Variants in NEO1 observed in about 807,000 individuals in gnomAD.
NEO1 encodes neogenin 1.
In NEO1, 63 loss-of-function variants were observed where a neutral mutation model predicts 159.7. That is an observed-to-expected ratio of 0.39 (90% CI 0.32 to 0.49). The LOEUF is 0.49. NEO1 is among the 20% of genes least tolerant of loss of function. The pLI is 0.85. For missense variants in NEO1, 1,615 were observed against 1,831.0 expected, an observed-to-expected ratio of 0.88 and a Z score of 2.15; for synonymous variants, 633 against 662.0, an observed-to-expected ratio of 0.96 and a Z score of 0.67.
At chr15:73,247,828 C>CA (rs938533574) in intron 9 of NEO1, among the ~76,000 whole-genome samples, 12 of 152,206 alleles carry the variant, frequency 7.9e-5, no homozygotes, top group African/African-American at 2.6e-4. Context: ...GTCAGTCAGA[C>CA]AAAAATAATA....
intron 8 of NEO1, among the ~76,000 whole-genome samples, chr15:73,240,651 A>G (rs773608189): frequency 2.0e-5 from 3 of 152,210 alleles, no homozygotes; most frequent in Non-Finnish European, 4.4e-5. Context: ...TAAAGGAGAG[A>G]AAAAATAGAG....
intron 5 of NEO1, among the ~76,000 whole-genome samples, chr15:73,152,679 TG>T (rs974714910): frequency 1.3e-5 from 2 of 151,192 alleles, no homozygotes; most frequent in African/African-American, 4.9e-5. Flanking sequence ...CGGTTGGGGG[TG>T]GGAGGAATTC....
intron 5 of NEO1, among the ~76,000 whole-genome samples, chr15:73,149,128 A>G (rs1001056256): frequency 6.6e-6 from 1 of 152,134 alleles, no homozygotes; most frequent in Non-Finnish European, 1.5e-5. Context: ...CATCCTGGCC[A>G]ACATGGTGCA....
intron 3 of NEO1, among the ~76,000 whole-genome samples, chr15:73,125,376 G>T (rs772488839): frequency 1.3e-5 from 2 of 152,162 alleles, no homozygotes; most frequent in Non-Finnish European, 2.9e-5. Context: ...CCATTAGTTG[G>T]CTGACTTTTA....
chr15:73,210,957 A>G (rs1631796), intron 7 of NEO1, among the ~76,000 whole-genome samples: 131,243 of 152,232 alleles, frequency 0.86, 57,565 homozygotes, highest in Non-Finnish European at 0.94. Flanking sequence ...TATTGAATGT[A>G]TAGTAATATT....
At chr15:73,133,314 C>T (rs540965776) in intron 4 of NEO1, among the ~76,000 whole-genome samples, 10 of 152,200 alleles carry the variant, frequency 6.6e-5, no homozygotes, top group South Asian at 4.2e-4. Flanking sequence ...AACCAAACAT[C>T]CTATGTTCTC....
chr15:73,182,910 A>G (rs963088812), intron 7 of NEO1, among the ~76,000 whole-genome samples: 3 of 152,176 alleles, frequency 2.0e-5, no homozygotes, highest in Admixed American at 6.5e-5. Context: ...GGCATAGATC[A>G]TATGCATTGT....
chr15:73,182,856 C>G (rs1359677001), intron 7 of NEO1, among the ~76,000 whole-genome samples: 3 of 152,122 alleles, frequency 2.0e-5, no homozygotes, highest in African/African-American at 7.2e-5. Context: ...ACCAAATAAC[C>G]TAAATTCCAA....
intron 1 of NEO1, among the ~76,000 whole-genome samples, chr15:73,075,859 T>G (rs1371363736): frequency 6.6e-6 from 1 of 152,218 alleles, no homozygotes; most frequent in African/African-American, 2.4e-5. Context: ...CTTCAACCCC[T>G]TCCTTCCTCT....
At chr15:73,066,216 G>A (rs898199928) in intron 1 of NEO1, among the ~76,000 whole-genome samples, 62 of 97,300 alleles carry the variant, frequency 6.4e-4, no homozygotes, top group African/African-American at 2.3e-3. Flanking sequence ...TAGTAGTGAC[G>A]GGGTTTCATC....
intron 3 of NEO1, among the ~76,000 whole-genome samples, chr15:73,123,563 A>G (rs2071795162): frequency 1.3e-5 from 2 of 152,024 alleles, no homozygotes; most frequent in Admixed American, 6.6e-5. Flanking sequence ...TTCAGCTCCT[A>G]TTTCAGTCTT....
At chr15:73,122,441 A>G in intron 2 of NEO1, 84 bp from the exon 3 acceptor site, 1 of 1,303,706 alleles carries the variant, frequency 7.7e-7, no homozygotes, top group Non-Finnish European at 1.1e-6. Flanking sequence ...TAGCCATGTG[A>G]GCTGACTTGC....
rs2041113710 is a variant in NEO1, at chr15:73,270,337, A to G, written c.2740A>G (p.Ser914Gly). The change falls in exon 18 of 29, where the codon AGT becomes GGT. Residue 914 changes from serine to glycine, a missense_variant. Around this residue, in one of 3 missense-constraint regions of NEO1, gnomAD observed 126 missense variants for 216.7 expected, o/e 0.58. Transcript: ENST00000261908. ...TCAGAATGCAAATGCAACCACTTTG[A>G]GTTATTTGGTGACTGGTTTAAAGCC... is the stretch of plus-strand genomic sequence containing the variant. Reference protein sequence around the residue: ...KYKNANATTLSYLVTGLKPNT... With the variant: ...KYKNANATTLGYLVTGLKPNT... The G allele has an allele frequency of 6.2e-7, 1 of 1,613,972 alleles. No homozygotes were observed. Among genetic ancestry groups the G allele is most frequent in the Non-Finnish European group, 8.5e-7 (1 of 1,180,040 alleles).
intron 5 of NEO1, among the ~76,000 whole-genome samples, chr15:73,145,052 A>C (rs1488083066): frequency 6.6e-6 from 1 of 152,202 alleles, no homozygotes; most frequent in Non-Finnish European, 1.5e-5. Context: ...AAAGTGATTA[A>C]AATTCTTTCA....
chr15:73,124,386 G>C (rs1391216863), intron 3 of NEO1, among the ~76,000 whole-genome samples: 1 of 152,048 alleles, frequency 6.6e-6, no homozygotes, highest in Non-Finnish European at 1.5e-5. Flanking sequence ...ATTAGATCTT[G>C]TCACACCTTT....
At chr15:73,076,944 C>T (rs1213216565) in intron 1 of NEO1, among the ~76,000 whole-genome samples, 2 of 152,186 alleles carry the variant, frequency 1.3e-5, no homozygotes, top group Non-Finnish European at 2.9e-5. Context: ...TGTGGAAGAA[C>T]TGAGTTATCA....
Position 73,122,811 on chromosome 15 carries a change from A to G in NEO1, c.724+11A>G. On this transcript the variant is annotated intron_variant, in intron 3 of 28. Transcript: ENST00000261908. ...TGAAGGTTCTTCCAGGTATTAACTC[A>G]TTATCAGGACTGATGGTTTTATGTT... 3 of 1,613,542 alleles carry G rather than the reference A, an allele frequency of 1.9e-6. No homozygotes were observed. The highest frequency in any genetic ancestry group is 2.5e-6 in the Non-Finnish European group (3 of 1,179,506).
chr15:73,293,839 ATTTC>A (rs968806766), intron 26 of NEO1, among the ~76,000 whole-genome samples: 3 of 152,070 alleles, frequency 2.0e-5, no homozygotes, highest in African/African-American at 7.2e-5. Context: ...CTTTTTTCCA[ATTTC>A]TTTCTTTTAA....
intron 25 of NEO1, among the ~76,000 whole-genome samples, chr15:73,292,846 A>C (rs1292067150): frequency 6.6e-6 from 1 of 152,240 alleles, no homozygotes; most frequent in Non-Finnish European, 1.5e-5. Context: ...TTAAACAGCT[A>C]CTTATTTATT....
Sources: allele counts gnomAD v4.1 joint callset (sites outside exome capture counted in the v4.1 genomes callset), GRCh38; gene constraint gnomAD v4.1.1; regional missense constraint gnomAD v4.1.1; transcripts MANE v1.5; gene names NCBI Gene and HGNC (gene_info 2026-07-23, HGNC 2026-07-21).